Variants in SLC7A9 observed in about 807,000 individuals in gnomAD.
SLC7A9 encodes the protein B(0,+)-type amino acid transporter 1.
Under a neutral mutation model 54.1 loss-of-function variants are expected in SLC7A9, and 38 were observed. That is an observed-to-expected ratio of 0.70 (90% CI 0.54 to 0.92). The LOEUF (loss-of-function observed/expected upper bound fraction) is 0.92. Among genes scored for constraint, SLC7A9 ranks in the 40% least tolerant of loss-of-function variants. The probability of loss-of-function intolerance (pLI) is 0.00; values close to 1 mark genes in which losing one functional copy is unlikely to be tolerated. For synonymous variants in SLC7A9, 264 were observed against 258.9 expected, an observed-to-expected ratio of 1.02 and a Z score of -0.19; for missense variants, 537 against 636.1, an observed-to-expected ratio of 0.84 and a Z score of 1.68.
In SLC7A9 at chr19:32,862,487, A is replaced by C. The variant is rs765828514; in HGVS notation, c.578T>G (p.Ile193Ser). The change falls in exon 5 of 13, where the codon ATC (isoleucine) becomes AGC (serine). Residue 193 changes from isoleucine (I) to serine (S), a missense_variant. By Grantham distance (142) the Ile-to-Ser change is moderately radical (BLOSUM62 -2). Transcript: ENST00000023064. ...TTGGGCCAGGAGCACCAGCCCGCTG[A>C]TGATGATGATGGCCACGATCACCAG... ...AKLVIVAIII[I>S]SGLVLLAQGN... 1.9e-6 allele frequency: 3 copies of C among 1,603,376 alleles called. No homozygotes were observed. In the Admixed American group the frequency reaches 5.0e-5, roughly 27 times the overall value.
intron 9 of SLC7A9, among the ~76,000 whole-genome samples, chr19:32,855,434 T>C (rs995232191): frequency 3.9e-5 from 6 of 152,246 alleles, no homozygotes; most frequent in East Asian, 1.9e-4. Flanking sequence ...GCGCGGTGGC[T>C]CACGCCTGTA....
At chr19:32,854,435 C>T (rs1968559270) in intron 9 of SLC7A9, among the ~76,000 whole-genome samples, 1 of 152,138 alleles carries the variant, frequency 6.6e-6, no homozygotes, top group Non-Finnish European at 1.5e-5. Context: ...TTGTAATATT[C>T]ATATGCAAGT....
In SLC7A9 at chr19:32,862,598, G is replaced by A. The variant is rs769273960; in HGVS notation, c.479-12C>T. 6.2e-7 allele frequency: 1 copy of A among 1,613,652 alleles called. No homozygotes were observed. The highest frequency in any genetic ancestry group is 8.5e-7 in the Non-Finnish European group (1 of 1,180,018). On this transcript the variant is annotated splice_polypyrimidine_tract_variant and intron_variant, in intron 4 of 12. Transcript: ENST00000023064. ...TGTCGAGATGAACACTGGAAGGGTG[G>A]GGACAGTTTCTGCATTTATGGTTTT...
At chr19:32,849,940 A>G (rs1317273193) in intron 9 of SLC7A9, among the ~76,000 whole-genome samples, 1 of 152,128 alleles carries the variant, frequency 6.6e-6, no homozygotes, top group Non-Finnish European at 1.5e-5. Context: ...CCACGTGATT[A>G]TCTCAATAGA....
At chr19:32,861,993 G>A in intron 6 of SLC7A9, 125 bp downstream of exon 6, 3 of 763,358 alleles carry the variant, frequency 3.9e-6, no homozygotes, top group Admixed American at 3.5e-5. Flanking sequence ...GAAATGTGAG[G>A]GTGAATGTCA....
rs201622105 is a variant in SLC7A9, at chr19:32,864,813, G to T, written c.88-37C>A. 9.9e-6 allele frequency: 16 copies of T among 1,613,438 alleles called. 1 individual carries two copies. The South Asian group carries it at 1.5e-4, about 15-fold the overall frequency. ...GGAAGGAAGAGGGCGTTAGTGCCACGCCCGGACCCAGCCCAGAAGGCCAGG... is the reference window on the plus strand; with the variant it reads ...GGAAGGAAGAGGGCGTTAGTGCCACTCCCGGACCCAGCCCAGAAGGCCAGG... On this transcript the variant is annotated intron_variant, in intron 2 of 12. Transcript: ENST00000023064.
Position 32,859,877 on chromosome 19 carries a change from A to T in SLC7A9, c.837T>A (p.Thr279=), listed in dbSNP as rs772434888. The change falls in exon 8 of 13, where the codon ACT becomes ACA. Residue 279 remains threonine (T), a synonymous_variant. Coordinates refer to ENST00000023064, the MANE Select transcript of SLC7A9 (RefSeq NM_014270.5). ...CCTGGGACTGCAGGAGTTCGGTGGCAGTCATCACGGTGAAGTAGGACACGT... is the reference window on the plus strand; with the variant it reads ...CCTGGGACTGCAGGAGTTCGGTGGCTGTCATCACGGTGAAGTAGGACACGT... The part of the protein sequence containing the change: ...LMNVSYFTVM[T]ATELLQSQAV... 4 of 1,614,168 alleles carry T rather than the reference A, an allele frequency of 2.5e-6. No individual in the cohort carries two copies. The highest frequency in any genetic ancestry group is 2.5e-6 in the Non-Finnish European group (3 of 1,180,026).
Position 32,864,706 on chromosome 19 carries a change from T to G in SLC7A9, c.158A>C (p.Lys53Thr). 1 of 1,614,132 alleles carries G rather than the reference T, an allele frequency of 6.2e-7. No homozygotes were observed. Among genetic ancestry groups the G allele is most frequent in the South Asian group, 1.1e-5 (1 of 91,084 alleles). Residue 53 changes from lysine (K) to threonine (T), a missense_variant, in exon 3 of 13, where the codon AAG becomes ACG. Physicochemically the swap from Lys to Thr is moderately conservative, Grantham distance 78. Transcript: ENST00000023064. ...AGCTTCCGTGTTGCTGAGCACAGAC[T>G]TGGGGGAAACGAAGATCCCAGAGCC... ...IIGSGIFVSP[K>T]SVLSNTEAVG...
intron 9 of SLC7A9, among the ~76,000 whole-genome samples, chr19:32,851,999 C>T (rs1392358104): frequency 1.3e-5 from 2 of 149,618 alleles, no homozygotes; most frequent in African/African-American, 2.4e-5. Context: ...GGAAGGGGAA[C>T]ATCACACTCC....
chr19:32,847,317 T>G (rs1348556054), intron 9 of SLC7A9, among the ~76,000 whole-genome samples: 1 of 151,976 alleles, frequency 6.6e-6, no homozygotes, highest in East Asian at 1.9e-4. Context: ...ATAACTACAA[T>G]AACCAATGCA....
At chr19:32,851,537 A>T (rs1405304513) in intron 9 of SLC7A9, among the ~76,000 whole-genome samples, 1 of 150,496 alleles carries the variant, frequency 6.6e-6, no homozygotes, top group Non-Finnish European at 1.5e-5. Flanking sequence ...GCTGGAGAGG[A>T]TGTGGAGAAA....
chr19:32,842,621 T>TGTTTTGTTTTG (rs1432048828), intron 10 of SLC7A9, among the ~76,000 whole-genome samples: 9 of 152,006 alleles, frequency 5.9e-5, no homozygotes, highest in Admixed American at 3.3e-4. Flanking sequence ...TGTTTTGTTT[T>TGTTTTGTTTTG]GTTTTGTTTG....
chr19:32,850,184 C>T lies in SLC7A9; in HGVS notation c.978-6233G>A, dbSNP rs1205959509. Among the ~76,000 whole-genome samples, 4 of 149,380 alleles carry T rather than the reference C, an allele frequency of 2.7e-5. No individual in the cohort carries two copies. The East Asian group carries it at 7.9e-4, about 30-fold the overall frequency. ...ATAGTGTTGGAAGTTCTGGCCAGGG[C>T]AATTAGGCAGGAGAAGGAAATAAAA... On this transcript the variant is annotated intron_variant, in intron 9 of 12. Transcript: ENST00000023064.
chr19:32,843,487 GCA>G (rs143070609), intron 10 of SLC7A9, among the ~76,000 whole-genome samples: 6,238 of 152,178 alleles, frequency 0.041, 160 homozygotes, highest in Non-Finnish European at 0.065. Context: ...GGCGTTTACT[GCA>G]CAAGGATCCG....
chr19:32,864,245 T>C lies in SLC7A9; in HGVS notation c.329A>G (p.Tyr110Cys), dbSNP rs368797821. ...GATCAGGCTGGCCCAGGAGAAGAGG[T>C]AGGCGGGGATGGGCCCGTAGGCCTC... ...LMEAYGPIPA[Y>C]LFSWASLIVI... is the part of the protein sequence containing the mutation. Residue 110 changes from tyrosine to cysteine, a missense_variant, in exon 4 of 13, where the codon TAC becomes TGC. Transcript: ENST00000023064. 3.0e-5 allele frequency: 49 copies of C among 1,613,852 alleles called. No individual in the cohort carries two copies. In the African/African-American group the frequency reaches 5.1e-4, roughly 17 times the overall value.
At chr19:32,868,684 G>T (rs1230702358) in intron 1 of SLC7A9, 39 bp from the exon 2 acceptor site, 2 of 708,510 alleles carry the variant, frequency 2.8e-6, no homozygotes, top group African/African-American at 1.7e-5. Context: ...GCAGGTGGGG[G>T]CCGCTGCCAG....
chr19:32,864,887 T>C, intron 2 of SLC7A9, 111 bp from the exon 3 acceptor site: 1 of 1,420,310 alleles, frequency 7.0e-7, no homozygotes, highest in Non-Finnish European at 9.9e-7. Context: ...AAAGCCCATG[T>C]CCCAGGCGCT....
chr19:32,860,061 A>G (rs1428412484), intron 7 of SLC7A9, 97 bp from the exon 8 acceptor site: 1 of 1,605,120 alleles, frequency 6.2e-7, no homozygotes, highest in Non-Finnish European at 8.5e-7. Flanking sequence ...GAAGATTCGC[A>G]GGTAGCAGAG....
chr19:32,844,453 GTC>G (rs1009022213), intron 9 of SLC7A9, among the ~76,000 whole-genome samples: 20 of 152,176 alleles, frequency 1.3e-4, no homozygotes, highest in African/African-American at 4.6e-4. Flanking sequence ...CCTTTAGCAA[GTC>G]TCTCTCTATC....
Sources: gnomAD v4.1 joint callset for allele counts (sites outside exome capture counted in the v4.1 genomes callset) on GRCh38, gnomAD v4.1.1 for gene constraint, MANE v1.5 for transcripts, NCBI Gene and HGNC (gene_info 2026-07-23, HGNC 2026-07-21) for gene names.